The following OBI1 variants were observed in gnomAD, a reference collection of about 807,000 sequenced individuals.
The protein encoded by OBI1 is ring finger protein 219.
Under a neutral mutation model 62.4 loss-of-function variants are expected in OBI1, and 59 were observed. The ratio of observed to expected loss-of-function variants is 0.95; its 90% CI spans 0.77 to 1.17. OBI1 has a LOEUF of 1.17. Ranked by LOEUF, OBI1 falls within the 50% of genes most tolerant of loss-of-function variation. The pLI, the probability that OBI1 is intolerant of heterozygous loss-of-function variation, is 0.00. For synonymous variants in OBI1, 302 were observed against 292.8 expected (o/e 1.03, Z -0.32); for missense variants, 875 against 830.9 (o/e 1.05, Z -0.65).
At chr13:78,640,035 CAAAA>C (rs1416905188) in intron 3 of OBI1, among the ~76,000 whole-genome samples, 1 of 151,260 alleles carries the variant, frequency 6.6e-6, no homozygotes, top group Non-Finnish European at 1.5e-5. Flanking sequence ...AACAAACAAA[CAAAA>C]AAAAGATATC....
At chr13:78,626,050 G>C (rs962286953) in intron 5 of OBI1, among the ~76,000 whole-genome samples, 1 of 152,226 alleles carries the variant, frequency 6.6e-6, no homozygotes, top group African/African-American at 2.4e-5. Context: ...AGTCAGCATG[G>C]AGACAGGTAA....
rs773391366 is a variant in OBI1 at position 78,616,856 on chromosome 13, G to C, written c.905C>G (p.Pro302Arg). The C allele has an allele frequency of 6.2e-7, 1 of 1,614,210 alleles. No individual in the cohort carries two copies. Among genetic ancestry groups the C allele is most frequent in the Non-Finnish European group, 8.5e-7 (1 of 1,180,032 alleles). Residue 302 changes from proline (P) to arginine (R), a missense_variant, in exon 6 of 6, where the codon CCT becomes CGT. Pro to Arg is a moderately radical substitution (Grantham distance 103). Coordinates refer to ENST00000282003, the MANE Select transcript of OBI1 (RefSeq NM_024546.4). ...AGAAGAACTGGAGGTGGATGAGCCAGGCTGCTTTCTGGCACTATCGCCTTG... is the reference window on the plus strand; with the variant it reads ...AGAAGAACTGGAGGTGGATGAGCCACGCTGCTTTCTGGCACTATCGCCTTG... ...KNQGDSARKQ[P>R]GSSTSSSSHL...
intron 5 of OBI1, among the ~76,000 whole-genome samples, chr13:78,626,765 A>G (rs1349988288): frequency 1.3e-5 from 2 of 152,188 alleles, no homozygotes; most frequent in Non-Finnish European, 2.9e-5. Context: ...AGACCCTTTT[A>G]TACTAGACCA....
chr13:78,651,130 T>G (rs1411880086), intron 1 of OBI1, among the ~76,000 whole-genome samples: 2 of 152,206 alleles, frequency 1.3e-5, no homozygotes, highest in Non-Finnish European at 2.9e-5. Context: ...CATCTCAGAA[T>G]AGTCAAAACA....
At chr13:78,631,504 C>T (rs1298543455) in intron 5 of OBI1, among the ~76,000 whole-genome samples, 1 of 152,070 alleles carries the variant, frequency 6.6e-6, no homozygotes, top group Non-Finnish European at 1.5e-5. Context: ...CTCTTGTAAA[C>T]TTAAAGGTCA....
In OBI1 at chr13:78,644,865, T is replaced by C. The variant is rs150045975; in HGVS notation, c.205A>G (p.Ile69Val). ...CATATATAAAACAGGCCCTTACCTA[T>C]AATTTCTTTGCAAGGATTTTCAGGA... ...ITPENPCKEI[I>V]GGTSESEPML... The change falls in exon 2 of 6, where the codon ATA becomes GTA. Residue 69 changes from isoleucine (I) to valine (V), a missense_variant. By Grantham distance (29) the Ile-to-Val change is conservative (BLOSUM62 3). Coordinates refer to ENST00000282003, the MANE Select transcript of OBI1 (RefSeq NM_024546.4). The C allele has an allele frequency of 9.8e-5, 158 of 1,613,902 alleles. 1 individual carries two copies. The African/African-American group carries it at 1.7e-3, about 17-fold the overall frequency.
chr13:78,637,231 G>T (rs1462724768), intron 4 of OBI1, among the ~76,000 whole-genome samples: 1 of 152,090 alleles, frequency 6.6e-6, no homozygotes, highest in Admixed American at 6.5e-5. Flanking sequence ...TGATTATGTT[G>T]AGTATGTTAT....
rs1329723031 is a variant in OBI1, at chr13:78,615,518, T to C, written c.*62A>G. 1.6e-6 allele frequency: 2 copies of C among 1,252,916 alleles called. No individual in the cohort carries two copies. Among genetic ancestry groups the C allele is most frequent in the Non-Finnish European group, 2.2e-6 (2 of 897,572 alleles). The allele number at this position is 1,252,916 out of a possible 1,614,324, so 77.6% of individuals were successfully genotyped here. A position where few individuals can be genotyped will look rare whatever the true frequency, so the allele number is the denominator to read the frequency against. On this transcript the variant is annotated 3_prime_UTR_variant, in exon 6 of 6. Transcript: ENST00000282003. ...ATAGAACTTTTATGAGGAAAAAAGGTAACTTTAACAACTTTTCTATTTCTC... is the reference window on the plus strand; with the variant it reads ...ATAGAACTTTTATGAGGAAAAAAGGCAACTTTAACAACTTTTCTATTTCTC...
chr13:78,627,059 G>A (rs763745440), intron 5 of OBI1, among the ~76,000 whole-genome samples: 2 of 152,232 alleles, frequency 1.3e-5, no homozygotes, highest in East Asian at 3.9e-4. Flanking sequence ...GCACAGGAAA[G>A]AAAGGTAAGC....
intron 1 of OBI1, among the ~76,000 whole-genome samples, chr13:78,652,463 G>A (rs1477251441): frequency 6.6e-6 from 1 of 150,776 alleles, no homozygotes; most frequent in Non-Finnish European, 1.5e-5. Flanking sequence ...TCTCAAATGA[G>A]ACCCGTGGCA....
At chr13:78,618,705 A>G (rs1319121315) in intron 5 of OBI1, among the ~76,000 whole-genome samples, 1 of 152,320 alleles carries the variant, frequency 6.6e-6, no homozygotes, top group East Asian at 1.9e-4. Flanking sequence ...CTTCTAAAAA[A>G]ACACAGCAAA....
At chr13:78,646,646 G>A (rs900479612) in intron 1 of OBI1, among the ~76,000 whole-genome samples, 4 of 151,966 alleles carry the variant, frequency 2.6e-5, no homozygotes, top group Non-Finnish European at 5.9e-5. Flanking sequence ...AGTAAGTAGA[G>A]GGAGAATGAA....
rs1337357076 is a variant in OBI1, at chr13:78,616,842, A to C, written c.919T>G (p.Ser307Ala). 4 of 1,614,062 alleles carry C rather than the reference A, an allele frequency of 2.5e-6. No homozygotes were observed. The African/African-American group carries it at 5.3e-5, about 22-fold the overall frequency. ...SARKQPGSST[S>A]SSSHLAKPSS... Reference sequence around the variant, plus strand: ...GGCTTCGCTAGGTGAGAAGAACTGGAGGTGGATGAGCCAGGCTGCTTTCTG... The same window carrying C: ...GGCTTCGCTAGGTGAGAAGAACTGGCGGTGGATGAGCCAGGCTGCTTTCTG... The change falls in exon 6 of 6, where the codon TCC becomes GCC. Residue 307 changes from serine (S) to alanine (A), a missense_variant. Coordinates refer to ENST00000282003, the MANE Select transcript of OBI1 (RefSeq NM_024546.4).
At chr13:78,651,603 C>T (rs1177798231) in intron 1 of OBI1, among the ~76,000 whole-genome samples, 1 of 152,072 alleles carries the variant, frequency 6.6e-6, no homozygotes, top group African/African-American at 2.4e-5. Context: ...TCTCCATCCT[C>T]CTGACAGTAA....
At chr13:78,653,644 G>A (rs1304783624) in intron 1 of OBI1, among the ~76,000 whole-genome samples, 1 of 152,186 alleles carries the variant, frequency 6.6e-6, no homozygotes, top group African/African-American at 2.4e-5. Flanking sequence ...TGAAGGAAGT[G>A]AGATCCTGGA....
At chr13:78,657,900 T>A (rs1265997657) in intron 1 of OBI1, among the ~76,000 whole-genome samples, 1 of 152,202 alleles carries the variant, frequency 6.6e-6, no homozygotes, top group African/African-American at 2.4e-5. Flanking sequence ...CCATCCTCGA[T>A]GAGGCCATCC....
intron 5 of OBI1, among the ~76,000 whole-genome samples, chr13:78,632,548 G>T (rs1028597687): frequency 3.9e-4 from 60 of 152,122 alleles, no homozygotes; most frequent in African/African-American, 1.4e-3. Context: ...TAACCAAGCC[G>T]AAAAGAGAAA....
At chr13:78,627,470 T>C (rs925172751) in intron 5 of OBI1, among the ~76,000 whole-genome samples, 2 of 152,126 alleles carry the variant, frequency 1.3e-5, no homozygotes, top group African/African-American at 4.8e-5. Flanking sequence ...TGTTCCCTTC[T>C]CTGTGTCCAT....
At chr13:78,623,221 G>C (rs1006423189) in intron 5 of OBI1, among the ~76,000 whole-genome samples, 1 of 150,294 alleles carries the variant, frequency 6.7e-6, no homozygotes, top group African/African-American at 2.5e-5. Flanking sequence ...CTAGTCACAC[G>C]CGTTGGTTCC....
Sources: allele counts gnomAD v4.1 joint callset (sites outside exome capture counted in the v4.1 genomes callset), GRCh38; gene constraint gnomAD v4.1.1; transcripts MANE v1.5; gene names NCBI Gene and HGNC (gene_info 2026-07-23, HGNC 2026-07-21).